The following NBEAL2 variants were observed in gnomAD, a reference collection of about 807,000 sequenced individuals.
The protein encoded by NBEAL2 is neurobeachin like 2.
NBEAL2 carries 160 observed loss-of-function variants against 299.8 expected under a neutral mutation model. The ratio of observed to expected loss-of-function variants is 0.53; its 90% CI spans 0.47 to 0.61. NBEAL2 has a LOEUF of 0.61. NBEAL2 is among the 20% of genes least tolerant of loss of function. The pLI is 0.00. For synonymous variants in NBEAL2, 1,493 were observed against 1,542.3 expected, an observed-to-expected ratio of 0.97 and a Z score of 0.75; for missense variants, 3,112 against 3,649.0, an observed-to-expected ratio of 0.85 and a Z score of 3.79.
At chr3:46,999,501 G>A in intron 25 of NBEAL2, 27 bp downstream of exon 25, 1 of 1,581,470 alleles carries the variant, frequency 6.3e-7, no homozygotes, top group Non-Finnish European at 8.6e-7. Flanking sequence ...GCCAAGTGGA[G>A]GGGGTGACAT....
Position 47,004,327 on chromosome 3 carries a change from C to A in NBEAL2, c.6132C>A (p.Pro2044=). Residue 2044 remains proline, a synonymous_variant, in exon 37 of 54, where the codon CCC becomes CCA. Transcript: ENST00000450053. The surrounding 1 kb of genome is among the most constrained non-coding windows in gnomAD (Gnocchi z 5.0). Reference sequence around the variant, plus strand: ...ACTCGTGGCTCCTGCGCCTACGGCCCCCCTCTCAAGGCTACCTAAGCAGCC... The same window carrying A: ...ACTCGTGGCTCCTGCGCCTACGGCCACCCTCTCAAGGCTACCTAAGCAGCC... ...QVYSWLLRLR[P]PSQGYLSSRS... 1 of 1,610,590 alleles carries A rather than the reference C, an allele frequency of 6.2e-7. No homozygotes were observed. The highest frequency in any genetic ancestry group is 8.5e-7 in the Non-Finnish European group (1 of 1,177,780).
At chr3:46,987,052 TTGTCTGGGCTTCAGATC>T (rs1412494040) in intron 1 of NBEAL2, among the ~76,000 whole-genome samples, 3 of 152,146 alleles carry the variant, frequency 2.0e-5, no homozygotes, top group Non-Finnish European at 4.4e-5. Flanking sequence ...CCTCTCTGAG[TTGTCTGGGCTTCAGATC>T]TGCACTAAAC....
rs377441319 is a variant in NBEAL2 at position 47,004,524 on chromosome 3, C to T, written c.6228C>T (p.Phe2076=). The change falls in exon 38 of 54, where the codon TTC becomes TTT. Residue 2076 remains phenylalanine (F), a synonymous_variant. Transcript: ENST00000450053. This position sits in a 1 kb window ranked among gnomAD's most constrained non-coding sequence, Gnocchi z 5.0. ...QKWVQREISN[F]EYLMQLNTIA... ...GGGTACAGCGTGAGATATCCAACTTCGAGTACTTGATGCAACTCAACACCA... is the reference window on the plus strand; with the variant it reads ...GGGTACAGCGTGAGATATCCAACTTTGAGTACTTGATGCAACTCAACACCA... 1.4e-5 allele frequency: 23 copies of T among 1,613,708 alleles called. No homozygotes were observed. In the East Asian group the frequency reaches 2.9e-4, roughly 20 times the overall value.
In NBEAL2 at chr3:47,008,651, C is replaced by T. The variant is rs566998638; in HGVS notation, c.8010C>T (p.His2670=). ...VLLGTAQCAL[H]ILQLNTLLPA... ...TGGGCACCGCCCAGTGCGCCCTGCA[C>T]ATCCTCCAACTAAACACGTAAGCCC... Residue 2670 remains histidine (H), a synonymous_variant, in exon 52 of 54, where the codon CAC becomes CAT. Coordinates refer to ENST00000450053, the MANE Select transcript of NBEAL2 (RefSeq NM_015175.3). The T allele has an allele frequency of 3.2e-5, 51 of 1,613,342 alleles. 1 individual carries two copies. The South Asian group carries it at 5.3e-4, about 17-fold the overall frequency.
At position 47,003,013 on chromosome 3, in the gene NBEAL2, G is replaced by C. The variant is rs758124017; in HGVS notation, c.5516G>C (p.Arg1839Pro). 6.2e-7 allele frequency: 1 copy of C among 1,613,392 alleles called. No homozygotes were observed. Among genetic ancestry groups the C allele is most frequent in the Non-Finnish European group, 8.5e-7 (1 of 1,179,798 alleles). ...AGCGCCGAGACATATTCACGCATGC[G>C]TCTGAAGCTGGTGCCCAACCATCAC... is the stretch of plus-strand genomic sequence containing the variant. The part of the protein sequence containing the change: ...LSSAETYSRM[R>P]LKLVPNHHFD... Residue 1839 changes from arginine to proline, a missense_variant, in exon 34 of 54, where the codon CGT becomes CCT. Around this residue, in one of 3 missense-constraint regions of NBEAL2, gnomAD observed 2,243 missense variants for 2,538.1 expected, o/e 0.88. Coordinates refer to ENST00000450053, the MANE Select transcript of NBEAL2 (RefSeq NM_015175.3). The surrounding 1 kb of genome is among the most constrained non-coding windows in gnomAD (Gnocchi z 7.0).
Position 47,003,908 on chromosome 3 carries a change from T to A in NBEAL2, c.5813T>A (p.Leu1938Gln). ...LVTVVAVVPG[L>Q]LEVTTQNVYF... The stretch of plus-strand genomic sequence containing the variant: ...ACGGTAGTGGCCGTGGTCCCAGGGC[T>A]GCTGGAGGTCACCACACAGAATGTA... Residue 1938 changes from leucine (L) to glutamine (Q), a missense_variant, in exon 36 of 54, where the codon CTG becomes CAG. Leu to Gln is a moderately radical substitution (Grantham distance 113). Around this residue, in one of 3 missense-constraint regions of NBEAL2, gnomAD observed 521 missense variants for 729.6 expected, o/e 0.71. Coordinates refer to ENST00000450053, the MANE Select transcript of NBEAL2 (RefSeq NM_015175.3). The surrounding 1 kb of genome is among the most constrained non-coding windows in gnomAD (Gnocchi z 7.0). 6.2e-7 allele frequency: 1 copy of A among 1,613,736 alleles called. No homozygotes were observed. Among genetic ancestry groups the A allele is most frequent in the Non-Finnish European group, 8.5e-7 (1 of 1,179,754 alleles).
rs74615783 is a variant in NBEAL2 at position 46,995,103 on chromosome 3, G to A, written c.1368G>A (p.Ala456=). 41 of 1,571,188 alleles carry A rather than the reference G, an allele frequency of 2.6e-5. 1 individual carries two copies. In the East Asian group the frequency reaches 4.5e-4, roughly 17 times the overall value. The change falls in exon 13 of 54, where the codon GCG becomes GCA. Residue 456 remains alanine, a synonymous_variant. Coordinates refer to ENST00000450053, the MANE Select transcript of NBEAL2 (RefSeq NM_015175.3). The stretch of plus-strand genomic sequence containing the variant: ...ACGAGCAGCCGGTACTGGTGCTGGC[G>A]CAGTGGCTGCCGTCATTGCCCACCG... The part of the protein sequence containing the change: ...IRNEQPVLVL[A]QWLPSLPTAE...
In NBEAL2 at chr3:46,991,531, T is replaced by C; in HGVS notation, c.768T>C (p.Gly256=). 6.2e-7 allele frequency: 1 copy of C among 1,609,380 alleles called. No individual in the cohort carries two copies. Among genetic ancestry groups the C allele is most frequent in the East Asian group, 2.2e-5 (1 of 44,870 alleles). The part of the protein sequence containing the change: ...LVPLALEALV[G]AVHVLHASRA... The stretch of plus-strand genomic sequence containing the variant: ...CACTGGCTCTAGAGGCACTGGTAGG[T>C]GCAGTCCATGTCTTGCATGCCAGCC... Residue 256 remains glycine, a synonymous_variant, in exon 8 of 54, where the codon GGT becomes GGC. Coordinates refer to ENST00000450053, the MANE Select transcript of NBEAL2 (RefSeq NM_015175.3). This position sits in a 1 kb window ranked among gnomAD's most constrained non-coding sequence, Gnocchi z 6.2.
chr3:47,006,700 C>A (rs1026127950), intron 45 of NBEAL2, among the ~76,000 whole-genome samples: 1 of 152,174 alleles, frequency 6.6e-6, no homozygotes, highest in Non-Finnish European at 1.5e-5. Flanking sequence ...TGTCCTTGGA[C>A]CCCTTCCATC....
chr3:46,991,489 G>T lies in NBEAL2; in HGVS notation c.726G>T (p.Pro242=), dbSNP rs1405669215. ...GGGGCTGGAGCCGTGGGCCAGCCCC[G>T]GACCCGTGCCTAGTGCCACTGGCTC... is the stretch of plus-strand genomic sequence containing the variant. The part of the protein sequence containing the change: ...VVRGWSRGPA[P]DPCLVPLALE... Residue 242 remains proline, a synonymous_variant, in exon 8 of 54, where the codon CCG becomes CCT. Coordinates refer to ENST00000450053, the MANE Select transcript of NBEAL2 (RefSeq NM_015175.3). The surrounding 1 kb of genome is among the most constrained non-coding windows in gnomAD (Gnocchi z 6.2). 6.2e-7 allele frequency: 1 copy of T among 1,612,286 alleles called. No individual in the cohort carries two copies. Among genetic ancestry groups the T allele is most frequent in the East Asian group, 2.2e-5 (1 of 44,886 alleles).
Position 46,995,247 on chromosome 3 carries a change from A to G in NBEAL2, c.1512A>G (p.Thr504=), listed in dbSNP as rs1393542501. Residue 504 remains threonine (T), a synonymous_variant, in exon 13 of 54, where the codon ACA becomes ACG. Coordinates refer to ENST00000450053, the MANE Select transcript of NBEAL2 (RefSeq NM_015175.3). The part of the protein sequence containing the change: ...LVGCLLETLS[T]GLALEARCQE... ...GCTGCCTGTTGGAGACACTCAGCAC[A>G]GGGCTAGCCCTGGAGGCCCGCTGCC... The G allele has an allele frequency of 1.9e-6, 3 of 1,557,410 alleles. No individual in the cohort carries two copies. The highest frequency in any genetic ancestry group is 1.4e-5 in the African/African-American group (1 of 73,364).
Position 47,004,879 on chromosome 3 carries a change from T to C in NBEAL2, c.6295-93T>C. On this transcript the variant is annotated intron_variant, in intron 38 of 53. Coordinates refer to ENST00000450053, the MANE Select transcript of NBEAL2 (RefSeq NM_015175.3). This position sits in a 1 kb window ranked among gnomAD's most constrained non-coding sequence, Gnocchi z 5.0. ...GTGCTCCCCCAACCTGTGGGCAGGCTCTGTGCCCGCCTTCTTGAGGGTGTG... is the reference window on the plus strand; with the variant it reads ...GTGCTCCCCCAACCTGTGGGCAGGCCCTGTGCCCGCCTTCTTGAGGGTGTG... 2 of 1,525,320 alleles carry C rather than the reference T, an allele frequency of 1.3e-6. No homozygotes were observed. The highest frequency in any genetic ancestry group is 1.8e-6 in the Non-Finnish European group (2 of 1,131,364). 94.5% of individuals were successfully genotyped at this position (1,525,320 alleles called of 1,614,324 possible). A position where few individuals can be genotyped will look rare whatever the true frequency, so the allele number is the denominator to read the frequency against.
Position 46,997,571 on chromosome 3 carries a change from G to A in NBEAL2, c.2835G>A (p.Met945Ile), listed in dbSNP as rs1173927314. 1 of 1,597,030 alleles carries A rather than the reference G, an allele frequency of 6.3e-7. No homozygotes were observed. The highest frequency in any genetic ancestry group is 8.6e-7 in the Non-Finnish European group (1 of 1,167,708). ...CCTGATGGCTGGCAGAGGAACGGAT[G>A]GAGAGGAACGCAGTGGCTGCTTTTC... ...LPLGKSSEERMERNAVAAFLL... is the reference protein window; with the variant it reads ...LPLGKSSEERIERNAVAAFLL... The change falls in exon 20 of 54, where the codon ATG (methionine) becomes ATA (isoleucine). Residue 945 changes from methionine (M) to isoleucine (I), a missense_variant. Met to Ile is a conservative substitution (Grantham distance 10). Transcript: ENST00000450053.
chr3:47,001,067 G>T lies in NBEAL2; in HGVS notation c.4372G>T (p.Val1458Leu). The part of the protein sequence containing the change: ...NVLFSVTWRG[V>L]EGSDEAAWRE... ...GCTGTTCTCGGTGACGTGGCGTGGC[G>T]TGGAAGGCAGCGATGAGGCTGCCTG... Residue 1458 changes from valine (V) to leucine (L), a missense_variant, in exon 28 of 54, where the codon GTG becomes TTG. Physicochemically the swap from Val to Leu is conservative, Grantham distance 32. This residue lies in a region of NBEAL2 where 2,243 missense variants were observed against 2,538.1 expected (regional missense o/e 0.88). Coordinates refer to ENST00000450053, the MANE Select transcript of NBEAL2 (RefSeq NM_015175.3). This position sits in a 1 kb window ranked among gnomAD's most constrained non-coding sequence, Gnocchi z 6.1. 1 of 1,612,544 alleles carries T rather than the reference G, an allele frequency of 6.2e-7. No individual in the cohort carries two copies. The highest frequency in any genetic ancestry group is 8.5e-7 in the Non-Finnish European group (1 of 1,179,444).
At chr3:46,985,054 C>T (rs1355936923) in intron 1 of NBEAL2, among the ~76,000 whole-genome samples, 4 of 152,174 alleles carry the variant, frequency 2.6e-5, no homozygotes, top group Admixed American at 6.5e-5. Flanking sequence ...TGGTGAGAGG[C>T]ACCAGACAGG....
In NBEAL2 at chr3:47,002,212, A is replaced by G. The variant is rs1476890998; in HGVS notation, c.5075A>G (p.Asn1692Ser). 1.3e-6 allele frequency: 2 copies of G among 1,535,814 alleles called. No individual in the cohort carries two copies. Among genetic ancestry groups the G allele is most frequent in the Non-Finnish European group, 1.8e-6 (2 of 1,138,440 alleles). Residue 1692 changes from asparagine to serine, a missense_variant, in exon 31 of 54, where the codon AAT becomes AGT. Around this residue, in one of 3 missense-constraint regions of NBEAL2, gnomAD observed 2,243 missense variants for 2,538.1 expected, o/e 0.88. Coordinates refer to ENST00000450053, the MANE Select transcript of NBEAL2 (RefSeq NM_015175.3). ...QWGLPSLPPT[N>S]GSPTFFEDFQ... ...GGACTGCCCTCCCTGCCACCCACCA[A>G]TGGCAGCCCCACCTTCTTTGAAGAC...
In NBEAL2 at chr3:46,998,753, A is replaced by G; in HGVS notation, c.3258A>G (p.Leu1086=). The G allele has an allele frequency of 6.3e-7, 1 of 1,582,306 alleles. No homozygotes were observed. The highest frequency in any genetic ancestry group is 1.3e-5 in the African/African-American group (1 of 74,414). The change falls in exon 23 of 54, where the codon CTA becomes CTG. Residue 1086 remains leucine, a synonymous_variant. Transcript: ENST00000450053. ...QRERPLAADD[L]RTVQTSLLGL... is the part of the protein sequence containing the mutation. ...AGCGCCCCCTGGCTGCTGACGACCT[A>G]CGCACCGTGCAGACCTCCCTCCTGG...
intron 47 of NBEAL2, 67 bp from the exon 48 acceptor site, chr3:47,007,458 G>C (rs2037533326): frequency 6.4e-7 from 1 of 1,565,846 alleles, no homozygotes; most frequent in South Asian, 1.2e-5. Context: ...GTCTGGCCAG[G>C]CTCCCTGAGG....
chr3:46,984,289 G>A lies in NBEAL2; in HGVS notation c.51+4377G>A, dbSNP rs1049687248. On this transcript the variant is annotated intron_variant, in intron 1 of 53. Transcript: ENST00000450053. ...CCACTGCACTCCAGCCTGGGCCGGC[G>A]ACAGAGCGAGACTCCGTCTCAAAAA... Among the ~76,000 whole-genome samples, 5 of 152,134 alleles carry A rather than the reference G, an allele frequency of 3.3e-5. No individual in the cohort carries two copies. In the East Asian group the frequency reaches 5.8e-4, roughly 18 times the overall value.
Sources: gnomAD v4.1 joint callset for allele counts (sites outside exome capture counted in the v4.1 genomes callset) on GRCh38, gnomAD v4.1.1 for gene constraint, gnomAD v4.1.1 regional missense constraint, Gnocchi (gnomAD v3.1) non-coding constraint, MANE v1.5 for transcripts, NCBI Gene and HGNC (gene_info 2026-07-23, HGNC 2026-07-21) for gene names.